CR1L: variants seen among roughly 807,000 people sequenced by gnomAD.
CR1L encodes complement C3b/C4b receptor 1 like, also known as complement component receptor 1-like protein.
In CR1L, 59 loss-of-function variants were observed where a neutral mutation model predicts 62.3. The observed-to-expected ratio is 0.95, with a 90% CI of 0.77 to 1.18. The LOEUF is 1.18. Ranked by LOEUF, CR1L falls within the 50% of genes most tolerant of loss-of-function variation. The pLI is 0.00. For synonymous variants in CR1L, 279 were observed against 248.7 expected (o/e 1.12, Z -1.15); for missense variants, 700 against 702.8 (o/e 1.00, Z 0.04).
chr1:207,674,827 T>C (rs1663664516), intron 1 of CR1L, among the ~76,000 whole-genome samples: 1 of 151,860 alleles, frequency 6.6e-6, no homozygotes, highest in African/African-American at 2.4e-5. Flanking sequence ...GAAAGGTGAA[T>C]GCATAACACT....
In CR1L at chr1:207,695,426, G is replaced by A. The variant is rs1192270658; in HGVS notation, c.862+675G>A. Among the ~76,000 whole-genome samples the A allele has an allele frequency of 4.6e-5, 7 of 152,158 alleles. No homozygotes were observed. In the East Asian group the frequency reaches 1.3e-3, roughly 29 times the overall value. ...ATTATAGGCATGAGCCACTGTGCCT[G>A]GCCTCTATGTTTTGCAGAGAAAATG... On this transcript the variant is annotated intron_variant, in intron 5 of 11. Transcript: ENST00000508064.
chr1:207,674,093 G>T (rs1435802415), intron 1 of CR1L, among the ~76,000 whole-genome samples: 1 of 152,190 alleles, frequency 6.6e-6, no homozygotes, highest in Non-Finnish European at 1.5e-5. Context: ...TTATATGATA[G>T]GATATAAACG....
chr1:207,687,170 T>C lies in CR1L; in HGVS notation c.463+3213T>C, dbSNP rs1372087141. ...TCATAAGATTTTGATATCAAACTTA[T>C]GACAGTCTTATAAAGCCAGCTGGTA... On this transcript the variant is annotated intron_variant, in intron 4 of 11. Coordinates refer to ENST00000508064, the MANE Select transcript of CR1L (RefSeq NM_175710.2). 5.3e-5 allele frequency among the ~76,000 whole-genome samples: 8 copies of C among 152,346 alleles called. No individual in the cohort carries two copies. The East Asian group carries it at 9.6e-4, about 18-fold the overall frequency.
At chr1:207,645,444 G>A in intron 1 of CR1L, 114 bp downstream of exon 1, 1 of 1,226,828 alleles carries the variant, frequency 8.2e-7, no homozygotes, top group Non-Finnish European at 1.2e-6. Context: ...TTGGGATAGA[G>A]AGCGAGGCCA....
At position 207,697,490 on chromosome 1, in the gene CR1L, T is replaced by G. The variant is rs1217726973; in HGVS notation, c.863-13T>G. The stretch of plus-strand genomic sequence containing the variant: ...TTCACACAATTAGCAGTACTTTGTT[T>G]CTCTCTCCCCAGTATGTCAGCCACC... On this transcript the variant is annotated splice_polypyrimidine_tract_variant and intron_variant, in intron 5 of 11. Coordinates refer to ENST00000508064, the MANE Select transcript of CR1L (RefSeq NM_175710.2). 1 of 1,613,740 alleles carries G rather than the reference T, an allele frequency of 6.2e-7. No individual in the cohort carries two copies. The highest frequency in any genetic ancestry group is 1.1e-5 in the South Asian group (1 of 91,066).
rs62618668 is a variant in CR1L, at chr1:207,677,555, G to C, written c.264G>C (p.Lys88Asn). ...AAAACTCAGTCTGGACAAGTGCTAA[G>C]GACAAGTGCAAACGTAAGTAACTCT... ...CLKNSVWTSAKDKCKRKSCRN... is the reference protein window; with the variant it reads ...CLKNSVWTSANDKCKRKSCRN... The change falls in exon 2 of 12, where the codon AAG (lysine) becomes AAC (asparagine). Residue 88 changes from lysine (K) to asparagine (N), a missense_variant. Transcript: ENST00000508064. 1.6e-3 allele frequency: 2,559 copies of C among 1,613,668 alleles called. 15 individuals carry two copies. The highest frequency in any genetic ancestry group is 1.8e-3 in the Non-Finnish European group (2,157 of 1,179,758).
chr1:207,702,739 ACT>A (rs1262263854), intron 9 of CR1L, among the ~76,000 whole-genome samples: 6 of 152,158 alleles, frequency 3.9e-5, no homozygotes, highest in Non-Finnish European at 8.8e-5. Flanking sequence ...CAAGGCCCTA[ACT>A]CTCTTCAATT....
chr1:207,675,908 A>C (rs1457923341), intron 1 of CR1L, among the ~76,000 whole-genome samples: 1 of 152,188 alleles, frequency 6.6e-6, no homozygotes, highest in Non-Finnish European at 1.5e-5. Context: ...GTATAGCTTT[A>C]GTTGTTGAGC....
chr1:207,704,357 G>A lies in CR1L; in HGVS notation c.1328+2739G>A, dbSNP rs1261638899. Among the ~76,000 whole-genome samples, 3 of 152,168 alleles carry A rather than the reference G, an allele frequency of 2.0e-5. No individual in the cohort carries two copies. The East Asian group carries it at 5.8e-4, about 29-fold the overall frequency. On this transcript the variant is annotated intron_variant, in intron 9 of 11. Coordinates refer to ENST00000508064, the MANE Select transcript of CR1L (RefSeq NM_175710.2). ...ATGAGCAGAGAAAGTAGATTTTTGA[G>A]GTGGAGTCTCTTCCTGGTGAAGATG...
rs185155023 is a variant in CR1L, at chr1:207,704,096, G to A, written c.1328+2478G>A. On this transcript the variant is annotated intron_variant, in intron 9 of 11. Transcript: ENST00000508064. ...AATTAATCATTCTACATACTGTTAA[G>A]AACACTCATGATTCATGGGAAGAGG... Among the ~76,000 whole-genome samples the A allele has an allele frequency of 1.4e-4, 21 of 152,318 alleles. No individual in the cohort carries two copies. The East Asian group carries it at 1.7e-3, about 13-fold the overall frequency.
chr1:207,694,818 G>C, intron 5 of CR1L, 67 bp downstream of exon 5: 1 of 1,608,960 alleles, frequency 6.2e-7, no homozygotes, highest in Non-Finnish European at 8.5e-7. Flanking sequence ...CAGGAGATTA[G>C]TATTTGTTCA....
chr1:207,674,336 C>T (rs1663657127), intron 1 of CR1L, among the ~76,000 whole-genome samples: 1 of 152,070 alleles, frequency 6.6e-6, no homozygotes, highest in Non-Finnish European at 1.5e-5. Flanking sequence ...ACTCATCAAC[C>T]ATTTTATGTA....
intron 11 of CR1L, among the ~76,000 whole-genome samples, chr1:207,720,664 A>C (rs1654114460): frequency 6.6e-6 from 1 of 152,214 alleles, no homozygotes; most frequent in Non-Finnish European, 1.5e-5. Context: ...TAAAGCCAGA[A>C]TTAATACATA....
chr1:207,705,554 G>C (rs1188544201), intron 9 of CR1L, among the ~76,000 whole-genome samples: 1 of 152,186 alleles, frequency 6.6e-6, no homozygotes, highest in Admixed American at 6.5e-5. Flanking sequence ...AGCTTGTGGT[G>C]TCCAGCATAT....
intron 10 of CR1L, chr1:207,710,592 T>C (rs543609142): frequency 4.1e-5 from 66 of 1,610,126 alleles, no homozygotes; most frequent in East Asian, 3.8e-4. Context: ...CCTCAGTGCA[T>C]TATACCTAAC....
intron 10 of CR1L, among the ~76,000 whole-genome samples, chr1:207,713,985 C>T (rs1653908250): frequency 6.6e-6 from 1 of 152,220 alleles, no homozygotes; most frequent in African/African-American, 2.4e-5. Context: ...CTTCCCTCCC[C>T]TAGGAGACGG....
At chr1:207,682,663 C>T (rs1013676061) in intron 3 of CR1L, among the ~76,000 whole-genome samples, 1 of 152,168 alleles carries the variant, frequency 6.6e-6, no homozygotes, top group Non-Finnish European at 1.5e-5. Context: ...ATTTGTAAAA[C>T]AAAGTTCTCA....
Position 207,694,417 on chromosome 1 carries a change from T to C in CR1L, c.528T>C (p.Tyr176=), listed in dbSNP as rs759544399. ...NGDFTSISRE[Y]FHYGSVVTYH... Reference sequence around the variant, plus strand: ...ATTTCACTAGCATCAGCAGAGAGTATTTTCACTATGGATCAGTGGTGACCT... The same window carrying C: ...ATTTCACTAGCATCAGCAGAGAGTACTTTCACTATGGATCAGTGGTGACCT... Residue 176 remains tyrosine, a synonymous_variant, in exon 5 of 12, where the codon TAT becomes TAC. Coordinates refer to ENST00000508064, the MANE Select transcript of CR1L (RefSeq NM_175710.2). The C allele has an allele frequency of 6.8e-6, 11 of 1,613,852 alleles. No homozygotes were observed. In the African/African-American group the frequency reaches 1.3e-4, roughly 20 times the overall value.
chr1:207,687,618 G>A (rs1411905868), intron 4 of CR1L, among the ~76,000 whole-genome samples: 3 of 152,004 alleles, frequency 2.0e-5, no homozygotes, highest in East Asian at 1.9e-4. Context: ...TTCTGTGTCC[G>A]GCTTCTGCTC....
Sources: gnomAD v4.1 joint callset for allele counts (sites outside exome capture counted in the v4.1 genomes callset) on GRCh38, gnomAD v4.1.1 for gene constraint, MANE v1.5 for transcripts, NCBI Gene and HGNC (gene_info 2026-07-23, HGNC 2026-07-21) for gene names.